The following CNTN5 variants were observed in gnomAD, a reference collection of about 807,000 sequenced individuals.
The protein encoded by CNTN5 is contactin 5.
In CNTN5, 77 loss-of-function variants were observed where a neutral mutation model predicts 129.1. The observed-to-expected ratio is 0.60, with a 90% CI of 0.50 to 0.72. The LOEUF (loss-of-function observed/expected upper bound fraction) is 0.72. Ranked by LOEUF, CNTN5 falls within the 30% of genes least tolerant of loss-of-function variation. The probability of loss-of-function intolerance (pLI) is 0.00; values close to 1 mark genes in which losing one functional copy is unlikely to be tolerated. For missense variants in CNTN5, 1,478 were observed against 1,328.8 expected (o/e 1.11, Z -1.75); for synonymous variants, 509 against 465.6 (o/e 1.09, Z -1.20).
In CNTN5 at chr11:99,085,311, C is replaced by T. The variant is rs185971460; in HGVS notation, c.-210+64041C>T. 1.3e-3 allele frequency among the ~76,000 whole-genome samples: 193 copies of T among 152,258 alleles called. 1 individual carries two copies. The highest frequency in any genetic ancestry group is 4.4e-3 in the African/African-American group (181 of 41,552). ...CTGCCTGCCTCAGCCTCCCAAAGTG[C>T]TGGGATTACAGGTGTGAGCCACCGT... On this transcript the variant is annotated intron_variant, in intron 1 of 24. Coordinates refer to ENST00000524871, the MANE Select transcript of CNTN5 (RefSeq NM_014361.4).
In CNTN5 at chr11:100,139,675, C is replaced by A. The variant is rs145823166; in HGVS notation, c.1581-51451C>A. Among the ~76,000 whole-genome samples the A allele has an allele frequency of 7.5e-3, 1,145 of 152,076 alleles. 8 individuals carry two copies. The highest frequency in any genetic ancestry group is 0.012 in the Non-Finnish European group (803 of 67,982). ...GGTCAGGAGTTCATGATCAGCCTGG[C>A]CAACATGGCAAAACCCTATCTCTAC... On this transcript the variant is annotated intron_variant, in intron 13 of 24. Transcript: ENST00000524871.
intron 18 of CNTN5, among the ~76,000 whole-genome samples, chr11:100,288,509 C>G (rs1028806572): frequency 1.3e-5 from 2 of 152,200 alleles, no homozygotes; most frequent in African/African-American, 4.8e-5. Flanking sequence ...TGAATGACTA[C>G]TGGGTACACA....
chr11:99,642,193 A>G (rs1951795866), intron 3 of CNTN5, among the ~76,000 whole-genome samples: 1 of 152,168 alleles, frequency 6.6e-6, no homozygotes, highest in South Asian at 2.1e-4. Flanking sequence ...ATGTAATAGG[A>G]GAAAATGGCA....
rs563653217 is a variant in CNTN5 at position 99,625,052 on chromosome 11, G to A, written c.55+68783G>A. Among the ~76,000 whole-genome samples, 4 of 152,268 alleles carry A rather than the reference G, an allele frequency of 2.6e-5. No individual in the cohort carries two copies. In the South Asian group the frequency reaches 8.3e-4, roughly 32 times the overall value. ...CATTCTGCCTAGTATCTAGTCCAGT[G>A]TTGGACACATGGCAGAAGAGTAAAT... is the stretch of plus-strand genomic sequence containing the variant. On this transcript the variant is annotated intron_variant, in intron 3 of 24. Transcript: ENST00000524871.
At chr11:99,227,889 C>T (rs1014151219) in intron 1 of CNTN5, among the ~76,000 whole-genome samples, 2 of 152,166 alleles carry the variant, frequency 1.3e-5, no homozygotes, top group African/African-American at 2.4e-5. Flanking sequence ...CTTAAATATA[C>T]GTGAGTATGT....
At chr11:99,735,171 T>A (rs889896778) in intron 3 of CNTN5, among the ~76,000 whole-genome samples, 1 of 152,180 alleles carries the variant, frequency 6.6e-6, no homozygotes, top group Non-Finnish European at 1.5e-5. Flanking sequence ...AGCTTACCTT[T>A]TAGAAGAGAT....
In CNTN5 at chr11:99,617,953, C is replaced by A. The variant is rs75644354; in HGVS notation, c.55+61684C>A. 5.3e-3 allele frequency among the ~76,000 whole-genome samples: 808 copies of A among 152,228 alleles called. 3 individuals carry two copies. Among genetic ancestry groups the A allele is most frequent in the Non-Finnish European group, 9.1e-3 (622 of 67,994 alleles). On this transcript the variant is annotated intron_variant, in intron 3 of 24. Coordinates refer to ENST00000524871, the MANE Select transcript of CNTN5 (RefSeq NM_014361.4). ...CTCAACAACAAAGCTTTTATTTTAT[C>A]TGTAATTACAGCCCCTAATACAGTA...
chr11:99,804,662 C>T (rs936837309), intron 3 of CNTN5, among the ~76,000 whole-genome samples: 11 of 150,964 alleles, frequency 7.3e-5, no homozygotes, highest in Admixed American at 7.3e-4. Context: ...TAATCGTTAG[C>T]TAATATGGCA....
intron 21 of CNTN5, among the ~76,000 whole-genome samples, chr11:100,315,527 C>G (rs1020451646): frequency 1.3e-5 from 2 of 152,098 alleles, no homozygotes; most frequent in African/African-American, 4.8e-5. Context: ...AATTTTATCC[C>G]TTTCTGTTTC....
intron 4 of CNTN5, among the ~76,000 whole-genome samples, chr11:99,823,066 A>C (rs1277051938): frequency 2.6e-5 from 4 of 152,186 alleles, no homozygotes; most frequent in Non-Finnish European, 5.9e-5. Flanking sequence ...TAGTCACGTG[A>C]GTGAGTTTAC....
chr11:99,756,997 A>G (rs1457532738), intron 3 of CNTN5, among the ~76,000 whole-genome samples: 1 of 151,718 alleles, frequency 6.6e-6, no homozygotes, highest in Non-Finnish European at 1.5e-5. Context: ...CTTTTTATAC[A>G]TGTGTCATAT....
intron 9 of CNTN5, among the ~76,000 whole-genome samples, chr11:100,055,754 G>T (rs1943193311): frequency 6.6e-6 from 1 of 151,424 alleles, no homozygotes; most frequent in African/African-American, 2.4e-5. Context: ...GTCATGCTTT[G>T]TATATATTGT....
chr11:99,813,876 A>G (rs1165383226), intron 3 of CNTN5, among the ~76,000 whole-genome samples: 1 of 152,250 alleles, frequency 6.6e-6, no homozygotes, highest in Admixed American at 6.5e-5. Flanking sequence ...TTATCTTTAA[A>G]GAGAGACATT....
At chr11:100,047,823 C>T (rs1483991074) in intron 9 of CNTN5, among the ~76,000 whole-genome samples, 1 of 139,528 alleles carries the variant, frequency 7.2e-6, no homozygotes, top group Non-Finnish European at 1.5e-5. Context: ...ATTGAGGACA[C>T]AGATAGAATT....
At chr11:100,349,544 T>C (rs1285104763) in intron 23 of CNTN5, among the ~76,000 whole-genome samples, 2 of 151,874 alleles carry the variant, frequency 1.3e-5, no homozygotes, top group African/African-American at 2.4e-5. Context: ...TAAATTGAAG[T>C]TTACAAAATT....
At chr11:99,720,632 A>G (rs1943141143) in intron 3 of CNTN5, among the ~76,000 whole-genome samples, 2 of 152,082 alleles carry the variant, frequency 1.3e-5, no homozygotes, top group African/African-American at 2.4e-5. Context: ...TATTCAACAT[A>G]GTATTGGACA....
intron 3 of CNTN5, among the ~76,000 whole-genome samples, chr11:99,791,991 G>A (rs1307821798): frequency 6.6e-6 from 1 of 151,780 alleles, no homozygotes; most frequent in Non-Finnish European, 1.5e-5. Context: ...TTTGTCAAAG[G>A]CTTTTGGTGG....
At chr11:100,175,969 G>T (rs1406493442) in intron 13 of CNTN5, among the ~76,000 whole-genome samples, 1 of 151,936 alleles carries the variant, frequency 6.6e-6, no homozygotes, top group East Asian at 1.9e-4. Context: ...GGTGCTTTTT[G>T]CTAGAAAAAT....
intron 2 of CNTN5, among the ~76,000 whole-genome samples, chr11:99,451,212 C>A (rs969661393): frequency 6.6e-6 from 1 of 152,008 alleles, no homozygotes; most frequent in Non-Finnish European, 1.5e-5. Flanking sequence ...ATAGCAATAA[C>A]CTGGAATCGT....
Sources: allele counts gnomAD v4.1 joint callset (sites outside exome capture counted in the v4.1 genomes callset), GRCh38; gene constraint gnomAD v4.1.1; transcripts MANE v1.5; gene names NCBI Gene and HGNC (gene_info 2026-07-23, HGNC 2026-07-21).